Variants in CADPS observed in about 807,000 individuals in gnomAD.
CADPS encodes calcium dependent secretion activator.
Under a neutral mutation model 167.3 loss-of-function variants are expected in CADPS, and 57 were observed. The ratio of observed to expected loss-of-function variants is 0.34; its 90% CI spans 0.28 to 0.42. The LOEUF is 0.42. Ranked by LOEUF, CADPS falls within the 20% of genes least tolerant of loss-of-function variation. The pLI, the probability that CADPS is intolerant of heterozygous loss-of-function variation, is 1.00. For synonymous variants in CADPS, 676 were observed against 635.3 expected, an observed-to-expected ratio of 1.06 and a Z score of -0.96; for missense variants, 1,414 against 1,738.1, an observed-to-expected ratio of 0.81 and a Z score of 3.32.
Position 62,546,516 on chromosome 3 carries a change from C to T in CADPS, c.1966+3387G>A, listed in dbSNP as rs1015414551. 5.9e-5 allele frequency among the ~76,000 whole-genome samples: 9 copies of T among 152,262 alleles called. No homozygotes were observed. In the East Asian group the frequency reaches 1.4e-3, roughly 23 times the overall value. ...GTTTGAATTTTACAAATTACAGCAG[C>T]TGTGAAGTAATTATGAACTAACCAC... On this transcript the variant is annotated intron_variant, in intron 11 of 29. Transcript: ENST00000383710.
chr3:62,813,374 T>G (rs1004912033), intron 1 of CADPS, among the ~76,000 whole-genome samples: 1 of 152,024 alleles, frequency 6.6e-6, no homozygotes, highest in African/African-American at 2.4e-5. Context: ...AAAGGACTCC[T>G]TGTACAATAA....
At chr3:62,582,514 CTCCT>C (rs2083634794) in intron 8 of CADPS, among the ~76,000 whole-genome samples, 1 of 152,186 alleles carries the variant, frequency 6.6e-6, no homozygotes, top group Admixed American at 6.5e-5. Flanking sequence ...TATTTCTACC[CTCCT>C]TTACACAACT....
At chr3:62,636,612 A>T (rs1237940089) in intron 6 of CADPS, among the ~76,000 whole-genome samples, 2 of 152,208 alleles carry the variant, frequency 1.3e-5, no homozygotes, top group African/African-American at 4.8e-5. Flanking sequence ...AGTGAGTTCC[A>T]TATCACAGCA....
intron 3 of CADPS, among the ~76,000 whole-genome samples, chr3:62,689,766 A>G (rs1002185155): frequency 3.3e-5 from 5 of 152,112 alleles, no homozygotes; most frequent in Admixed American, 3.3e-4. Context: ...AATTCACACA[A>G]TGTGTTAATA....
intron 9 of CADPS, among the ~76,000 whole-genome samples, chr3:62,561,675 T>A (rs1469533958): frequency 6.6e-6 from 1 of 152,138 alleles, no homozygotes; most frequent in Non-Finnish European, 1.5e-5. Context: ...AGTTAGCAAG[T>A]AGATTCCAGT....
intron 5 of CADPS, among the ~76,000 whole-genome samples, chr3:62,646,386 G>A (rs1457406126): frequency 6.6e-6 from 1 of 151,360 alleles, no homozygotes; most frequent in Non-Finnish European, 1.5e-5. Flanking sequence ...TGTCTAGACT[G>A]GTCTCGAACT....
At chr3:62,684,628 T>C (rs2077676162) in intron 3 of CADPS, among the ~76,000 whole-genome samples, 1 of 152,086 alleles carries the variant, frequency 6.6e-6, no homozygotes, top group African/African-American at 2.4e-5. Context: ...CATCCTTCTC[T>C]TCATTTTCCT....
intron 6 of CADPS, among the ~76,000 whole-genome samples, chr3:62,614,636 C>G (rs2061986217): frequency 6.6e-6 from 1 of 152,128 alleles, no homozygotes. Flanking sequence ...AATAAGGTGT[C>G]TTTGGCAGGG....
intron 29 of CADPS, among the ~76,000 whole-genome samples, chr3:62,400,601 CTT>C (rs143643930): frequency 5.4e-5 from 7 of 130,424 alleles, no homozygotes; most frequent in South Asian, 2.6e-4. Context: ...TTTTTTTTTT[CTT>C]TTTTTTTTTT....
At chr3:62,681,878 G>A (rs1219592875) in intron 3 of CADPS, among the ~76,000 whole-genome samples, 1 of 152,048 alleles carries the variant, frequency 6.6e-6, no homozygotes, top group Non-Finnish European at 1.5e-5. Flanking sequence ...AAAATAAAGG[G>A]TGCTGGGTGT....
chr3:62,819,894 CT>C (rs2094818569), intron 1 of CADPS, among the ~76,000 whole-genome samples: 1 of 152,122 alleles, frequency 6.6e-6, no homozygotes, highest in Admixed American at 6.6e-5. Flanking sequence ...GCACTTTTTC[CT>C]TTGCTGATTT....
At chr3:62,871,385 C>T (rs74363154) in intron 1 of CADPS, among the ~76,000 whole-genome samples, 3,813 of 152,182 alleles carry the variant, frequency 0.025, 85 homozygotes, top group South Asian at 0.076. Context: ...CCCATAGTGA[C>T]TATATTTGAT....
intron 6 of CADPS, among the ~76,000 whole-genome samples, chr3:62,599,854 T>TATATTTTATATATA (rs1562719389): frequency 9.9e-4 from 3 of 3,032 alleles, no homozygotes; most frequent in Non-Finnish European, 1.7e-3. Context: ...ATATATATAA[T>TATATTTTATATATA]ATATATAATA....
At chr3:62,772,807 T>C (rs148808703) in intron 1 of CADPS, among the ~76,000 whole-genome samples, 3,460 of 152,262 alleles carry the variant, frequency 0.023, 65 homozygotes, top group South Asian at 0.061. Flanking sequence ...GCAATGCTTA[T>C]TGTAAAAGAA....
At chr3:62,610,774 T>C (rs1380401010) in intron 6 of CADPS, among the ~76,000 whole-genome samples, 2 of 152,024 alleles carry the variant, frequency 1.3e-5, no homozygotes, top group African/African-American at 4.8e-5. Context: ...TAGCCAGGCC[T>C]CCTCAGTCCC....
At chr3:62,617,744 G>A (rs1290243129) in intron 6 of CADPS, among the ~76,000 whole-genome samples, 2 of 152,176 alleles carry the variant, frequency 1.3e-5, no homozygotes, top group East Asian at 3.9e-4. Flanking sequence ...AGAAGTGCTG[G>A]TGGTTATGGA....
Position 62,763,453 on chromosome 3 carries a change from G to C in CADPS, c.555+2418C>G, listed in dbSNP as rs972512570. Reference sequence around the variant, plus strand: ...TGGATCCAGCCATGGCTGAAGCCAGGCCTACTCCTGGACTTTTAAGTTAAT... The same window carrying C: ...TGGATCCAGCCATGGCTGAAGCCAGCCCTACTCCTGGACTTTTAAGTTAAT... On this transcript the variant is annotated intron_variant, in intron 2 of 29. Coordinates refer to ENST00000383710, the MANE Select transcript of CADPS (RefSeq NM_003716.4). Among the ~76,000 whole-genome samples the C allele has an allele frequency of 1.4e-4, 21 of 152,308 alleles. No individual in the cohort carries two copies. The East Asian group carries it at 3.1e-3, about 22-fold the overall frequency.
At chr3:62,639,406 G>T (rs1373713817) in intron 6 of CADPS, among the ~76,000 whole-genome samples, 1 of 152,124 alleles carries the variant, frequency 6.6e-6, no homozygotes, top group East Asian at 1.9e-4. Flanking sequence ...CTGATTCTCA[G>T]GAAGCCTCAT....
Position 62,518,829 on chromosome 3 carries a change from G to A in CADPS, c.2292-579C>T, listed in dbSNP as rs78256083. Among the ~76,000 whole-genome samples the A allele has an allele frequency of 2.4e-4, 37 of 152,214 alleles. No individual in the cohort carries two copies. The East Asian group carries it at 4.8e-3, about 20-fold the overall frequency. ...GTGTTTGTCTTTCCCGGTGTCAGAC[G>A]TCTTAAATGGCTCAATTTCTTGCCT... On this transcript the variant is annotated intron_variant, in intron 13 of 29. Coordinates refer to ENST00000383710, the MANE Select transcript of CADPS (RefSeq NM_003716.4).
Sources: gnomAD v4.1 joint callset for allele counts (sites outside exome capture counted in the v4.1 genomes callset) on GRCh38, gnomAD v4.1.1 for gene constraint, MANE v1.5 for transcripts, NCBI Gene and HGNC (gene_info 2026-07-23, HGNC 2026-07-21) for gene names.